Variants in INPP5J observed in about 807,000 individuals in gnomAD.
The protein encoded by INPP5J is phosphatidylinositol 4,5-bisphosphate 5-phosphatase A.
In INPP5J, 75 loss-of-function variants were observed where a neutral mutation model predicts 86.6. The ratio of observed to expected loss-of-function variants is 0.87; its 90% confidence interval spans 0.72 to 1.05. The LOEUF is 1.05. Ranked by LOEUF, INPP5J falls within the 50% of genes least tolerant of loss-of-function variation. INPP5J has a pLI of 0.00. For synonymous variants in INPP5J, 540 were observed against 550.0 expected, an observed-to-expected ratio of 0.98 and a Z score of 0.25; for missense variants, 1,229 against 1,341.2, an observed-to-expected ratio of 0.92 and a Z score of 1.31.
rs577540176 is a variant in INPP5J at position 31,127,712 on chromosome 22, G to A, written c.1787+180G>A. 4.2e-5 allele frequency: 31 copies of A among 739,332 alleles called. 1 individual carries two copies. Among genetic ancestry groups the A allele is most frequent in the Middle Eastern group, 7.9e-4 (2 of 2,516 alleles). 45.8% of individuals were successfully genotyped at this position (739,332 alleles called of 1,614,324 possible). A position where few individuals can be genotyped will look rare whatever the true frequency, so the allele number is the denominator to read the frequency against. ...GATGGGGAGGGGCGGAGCTTGTAGG[G>A]TGGAGCTTTGCTGAGGGGCCCCGCC... On this transcript the variant is annotated intron_variant, in intron 6 of 12. Coordinates refer to ENST00000331075, the MANE Select transcript of INPP5J (RefSeq NM_001284285.2).
Position 31,125,546 on chromosome 22 carries a change from C to T in INPP5J, c.807C>T (p.Ile269=). The T allele has an allele frequency of 6.4e-7, 1 of 1,550,546 alleles. No individual in the cohort carries two copies. Among genetic ancestry groups the T allele is most frequent in the Non-Finnish European group, 8.7e-7 (1 of 1,146,972 alleles). ...TSGPTGSPPC[I]QTSPDPRLSP... is the part of the protein sequence containing the mutation. ...GTCCTACAGGCTCCCCACCCTGCAT[C>T]CAAACCTCCCCAGACCCTCGGCTCT... The change falls in exon 2 of 13, where the codon ATC becomes ATT. Residue 269 remains isoleucine, a synonymous_variant. Coordinates refer to ENST00000331075, the MANE Select transcript of INPP5J (RefSeq NM_001284285.2).
chr22:31,125,059 C>G lies in INPP5J; in HGVS notation c.320C>G (p.Ala107Gly). Reference protein sequence around the residue: ...TATAHRSSSLAPTSVGQLVMS... With the variant: ...TATAHRSSSLGPTSVGQLVMS... ...ACTGCCCACCGCAGCTCCAGCCTGG[C>G]CCCAACATCTGTGGGCCAGCTGGTG... Residue 107 changes from alanine to glycine, a missense_variant, in exon 2 of 13, where the codon GCC becomes GGC. Ala to Gly is a moderately conservative substitution (Grantham distance 60). Coordinates refer to ENST00000331075, the MANE Select transcript of INPP5J (RefSeq NM_001284285.2). 6.5e-7 allele frequency: 1 copy of G among 1,550,104 alleles called. No individual in the cohort carries two copies. The highest frequency in any genetic ancestry group is 1.4e-5 in the African/African-American group (1 of 73,172).
At chr22:31,126,821 T>C in intron 4 of INPP5J, 100 bp downstream of exon 4, 1 of 1,426,050 alleles carries the variant, frequency 7.0e-7, no homozygotes, top group Non-Finnish European at 9.9e-7. Context: ...CCTCTGTGGC[T>C]GGGTCCGTGA....
Position 31,133,965 on chromosome 22 carries a change from C to G in INPP5J, c.2567C>G (p.Thr856Ser), listed in dbSNP as rs368371344. 24 of 1,613,274 alleles carry G rather than the reference C, an allele frequency of 1.5e-5. No individual in the cohort carries two copies. Among genetic ancestry groups the G allele is most frequent in the African/African-American group, 1.1e-4 (8 of 74,930 alleles). The part of the protein sequence containing the change: ...LASSSTDSSG[T>S]SSEGEDDSTL... Reference sequence around the variant, plus strand: ...AGCAGCAGCACAGACAGCTCAGGCACCAGCTCAGAGGGAGAGGATGACAGC... The same window carrying G: ...AGCAGCAGCACAGACAGCTCAGGCAGCAGCTCAGAGGGAGAGGATGACAGC... The change falls in exon 13 of 13, where the codon ACC (threonine) becomes AGC (serine). Residue 856 changes from threonine (T) to serine (S), a missense_variant. Transcript: ENST00000331075.
rs1356756256 is a variant in INPP5J, at chr22:31,134,638, G to T, written c.*219G>T. Reference sequence around the variant, plus strand: ...GGCCCCCATCTGGGATGATGGGAGAGCTCTGGCAGATGTCCCAATCCTGGA... The same window carrying T: ...GGCCCCCATCTGGGATGATGGGAGATCTCTGGCAGATGTCCCAATCCTGGA... On this transcript the variant is annotated 3_prime_UTR_variant, in exon 13 of 13. Transcript: ENST00000331075. The T allele has an allele frequency of 4.6e-6, 2 of 431,858 alleles. No individual in the cohort carries two copies. Among genetic ancestry groups the T allele is most frequent in the African/African-American group, 2.0e-5 (1 of 49,316 alleles). The allele number at this position is 431,858 out of a possible 1,614,324, so 26.8% of individuals were successfully genotyped here.
chr22:31,127,261 C>A, intron 5 of INPP5J, 96 bp from the exon 6 acceptor site: 1 of 1,187,942 alleles, frequency 8.4e-7, no homozygotes, highest in Non-Finnish European at 1.2e-6. Flanking sequence ...AGGACCCACC[C>A]ACCTTCCACC....
intron 9 of INPP5J, among the ~76,000 whole-genome samples, chr22:31,130,124 A>G (rs1360860878): frequency 6.6e-6 from 1 of 151,652 alleles, no homozygotes; most frequent in African/African-American, 2.4e-5. Context: ...GGCGGATCAC[A>G]TGAGGCCAGG....
intron 9 of INPP5J, among the ~76,000 whole-genome samples, chr22:31,129,701 G>A (rs1458277762): frequency 2.0e-5 from 3 of 150,500 alleles, no homozygotes; most frequent in Non-Finnish European, 3.0e-5. Flanking sequence ...CCGCCACCAC[G>A]CCTGGCTAAT....
Position 31,127,149 on chromosome 22 carries a change from C to T in INPP5J, c.1611+112C>T, listed in dbSNP as rs557677670. ...TTCCCATCCTCCACCCTTTACCCTG[C>T]GGCCCAGCCCCCCCATGCACCACCC... On this transcript the variant is annotated intron_variant, in intron 5 of 12. Transcript: ENST00000331075. 333 of 862,520 alleles carry T rather than the reference C, an allele frequency of 3.9e-4. 6 individuals are homozygous for T. In the South Asian group the frequency reaches 4.7e-3, roughly 12 times the overall value. 53.4% of individuals were successfully genotyped at this position (862,520 alleles called of 1,614,324 possible). A position where few individuals can be genotyped will look rare whatever the true frequency, so the allele number is the denominator to read the frequency against.
rs762875866 is a variant in INPP5J at position 31,126,534 on chromosome 22, C to T, written c.1385+45C>T. The T allele has an allele frequency of 2.5e-6, 4 of 1,601,814 alleles. No homozygotes were observed. In the Admixed American group the frequency reaches 5.0e-5, roughly 20 times the overall value. ...GGACCCCCTCCTGAGCCCCTCGGGC[C>T]TTCCGGGCCCTCCACCCATGGCAGG... On this transcript the variant is annotated intron_variant, in intron 3 of 12. Coordinates refer to ENST00000331075, the MANE Select transcript of INPP5J (RefSeq NM_001284285.2).
chr22:31,134,524 CTCT>C lies in INPP5J; in HGVS notation c.*106_*108del. 1 of 1,233,032 alleles carries C rather than the reference CTCT, an allele frequency of 8.1e-7. No individual in the cohort carries two copies. Among genetic ancestry groups the C allele is most frequent in the South Asian group, 1.8e-5 (1 of 54,056 alleles). 76.4% of individuals were successfully genotyped at this position (1,233,032 alleles called of 1,614,324 possible). A position where few individuals can be genotyped will look rare whatever the true frequency, so the allele number is the denominator to read the frequency against. On this transcript the variant is annotated 3_prime_UTR_variant, in exon 13 of 13. Transcript: ENST00000331075. ...CTCCTCCAGCTGTATCTGCACCTGC[CTCT>C]CTGTCCTGGCCAGGGGTGGACAACT...
Position 31,133,149 on chromosome 22 carries a change from T to C in INPP5J, c.2245T>C (p.Trp749Arg), listed in dbSNP as rs1602744822. The change falls in exon 10 of 13, where the codon TGG becomes CGG. Residue 749 changes from tryptophan to arginine, a missense_variant. Trp to Arg is a moderately radical substitution (Grantham distance 101). Transcript: ENST00000331075. ...GGTGCGGCTGGAGGTGGCAGATGAG[T>C]GGGTGCGGCCCGAGCAGGCGGTGGT... ...PLVRLEVADE[W>R]VRPEQAVVRY... 1 of 1,575,980 alleles carries C rather than the reference T, an allele frequency of 6.3e-7. No individual in the cohort carries two copies. The highest frequency in any genetic ancestry group is 1.3e-5 in the African/African-American group (1 of 74,216).
rs374755925 is a variant in INPP5J, at chr22:31,126,685, G to C, written c.1458G>C (p.Leu486=). The C allele has an allele frequency of 6.8e-6, 11 of 1,613,972 alleles. No homozygotes were observed. Among genetic ancestry groups the C allele is most frequent in the East Asian group, 2.2e-5 (1 of 44,888 alleles). ...DALFTDQWSE[L]FMDALGPFNF... is the part of the protein sequence containing the mutation. ...TCTTCACGGACCAGTGGAGTGAGCT[G>C]TTCATGGATGCGCTAGGGCCCTTCA... The change falls in exon 4 of 13, where the codon CTG becomes CTC. Residue 486 remains leucine, a synonymous_variant. Transcript: ENST00000331075.
chr22:31,133,712 C>T lies in INPP5J; in HGVS notation c.2512C>T (p.Gln838Ter). The change falls in exon 12 of 13, where the codon CAG (glutamine) becomes TAG (stop). Residue 838 changes from glutamine (Q) to a stop codon, truncating the protein, a stop_gained and splice_region_variant. Coordinates refer to ENST00000331075, the MANE Select transcript of INPP5J (RefSeq NM_001284285.2). LOFTEE classifies it high-confidence loss of function. Reference sequence around the variant, plus strand: ...CCTCATCGGCATCACTGAACCCTTCCAGGTAAGTAGGCCAGACTGCTGGGC... The same window carrying T: ...CCTCATCGGCATCACTGAACCCTTCTAGGTAAGTAGGCCAGACTGCTGGGC... Reference protein sequence around the residue: ...SILIGITEPFQISLPSSELAS... With the variant: ...SILIGITEPF The T allele has an allele frequency of 1.9e-6, 3 of 1,611,422 alleles. No homozygotes were observed. In the South Asian group the frequency reaches 3.3e-5, roughly 18 times the overall value.
At chr22:31,132,746 G>GA (rs34906644) in intron 9 of INPP5J, among the ~76,000 whole-genome samples, 10,970 of 135,290 alleles carry the variant, frequency 0.081, 540 homozygotes, top group Admixed American at 0.14. Flanking sequence ...CTCAGAAAAA[G>GA]AAAAAAAAAA....
rs200780809 is a variant in INPP5J at position 31,133,694 on chromosome 22, G to A, written c.2494G>A (p.Gly832Ser). 57 of 1,612,790 alleles carry A rather than the reference G, an allele frequency of 3.5e-5. 1 individual carries two copies. The African/African-American group carries it at 4.8e-4, about 14-fold the overall frequency. ...YYSHNHSILI[G>S]ITEPFQISLP... Reference sequence around the variant, plus strand: ...TAGTCACAACCACAGCATCCTCATCGGCATCACTGAACCCTTCCAGGTAAG... The same window carrying A: ...TAGTCACAACCACAGCATCCTCATCAGCATCACTGAACCCTTCCAGGTAAG... The change falls in exon 12 of 13, where the codon GGC becomes AGC. Residue 832 changes from glycine (G) to serine (S), a missense_variant. By Grantham distance (56) the Gly-to-Ser change is moderately conservative. Coordinates refer to ENST00000331075, the MANE Select transcript of INPP5J (RefSeq NM_001284285.2).
chr22:31,132,989 G>C (rs993149743), intron 9 of INPP5J, 109 bp from the exon 10 acceptor site: 48 of 1,390,354 alleles, frequency 3.5e-5, no homozygotes, highest in Non-Finnish European at 4.2e-5. Context: ...AGTCTGTAAA[G>C]TGGCCCTTTG....
In INPP5J at chr22:31,133,892, A is replaced by G. The variant is rs763522237; in HGVS notation, c.2515-21A>G. The G allele has an allele frequency of 2.5e-6, 4 of 1,605,268 alleles. No homozygotes were observed. In the South Asian group the frequency reaches 4.4e-5, roughly 18 times the overall value. Reference sequence around the variant, plus strand: ...GCTGGGTTGGGGAGCAGGGCGCCCCAGTGACCAGCATTTCCCCCAGATCTC... The same window carrying G: ...GCTGGGTTGGGGAGCAGGGCGCCCCGGTGACCAGCATTTCCCCCAGATCTC... On this transcript the variant is annotated intron_variant, in intron 12 of 12. Coordinates refer to ENST00000331075, the MANE Select transcript of INPP5J (RefSeq NM_001284285.2).
At chr22:31,124,810 G>T in intron 1 of INPP5J, 35 bp from the exon 2 acceptor site, 1 of 1,579,188 alleles carries the variant, frequency 6.3e-7, no homozygotes, top group African/African-American at 1.3e-5. Context: ...GCCCTGGTTA[G>T]GGTCACTCTG....
Sources: gnomAD v4.1 joint callset for allele counts (sites outside exome capture counted in the v4.1 genomes callset) on GRCh38, gnomAD v4.1.1 for gene constraint, MANE v1.5 for transcripts, NCBI Gene and HGNC (gene_info 2026-07-23, HGNC 2026-07-21) for gene names.